TRIB3: variants seen among roughly 807,000 people sequenced by gnomAD.
TRIB3 encodes tribbles homolog 3.
Under a neutral mutation model 16.6 loss-of-function variants are expected in TRIB3, and 20 were observed. That is an observed-to-expected ratio of 1.20 (90% CI 0.85 to 1.75). The LOEUF (loss-of-function observed/expected upper bound fraction) is 1.75. TRIB3 is among the 40% of genes most tolerant of loss of function. TRIB3 has a pLI of 0.00. For synonymous variants in TRIB3, 208 were observed against 217.0 expected (o/e 0.96, Z 0.36); for missense variants, 484 against 488.9 (o/e 0.99, Z 0.10).
At chr20:382,997 G>A (rs2014704995) in intron 1 of TRIB3, among the ~76,000 whole-genome samples, 1 of 152,188 alleles carries the variant, frequency 6.6e-6, no homozygotes, top group South Asian at 2.1e-4. Flanking sequence ...CTTTAACCAG[G>A]CTGAGGTCTC....
chr20:389,720 C>T (rs1488550325), intron 2 of TRIB3, among the ~76,000 whole-genome samples: 4 of 152,110 alleles, frequency 2.6e-5, no homozygotes, highest in Non-Finnish European at 4.4e-5. Flanking sequence ...AGGAGAGAAG[C>T]GCCATGCGTT....
chr20:392,550 G>A (rs2015009054), intron 3 of TRIB3, among the ~76,000 whole-genome samples: 1 of 146,186 alleles, frequency 6.8e-6, no homozygotes, highest in African/African-American at 2.6e-5. Flanking sequence ...AGGTTGGGAT[G>A]CTAAGAATTT....
intron 1 of TRIB3, among the ~76,000 whole-genome samples, chr20:384,672 G>A (rs2014752853): frequency 6.6e-6 from 1 of 152,230 alleles, no homozygotes; most frequent in East Asian, 1.9e-4. Flanking sequence ...TTCAATAGAT[G>A]TTTATTTCTC....
At position 383,547 on chromosome 20, in the gene TRIB3, A is replaced by AT. The variant is rs2014717191; in HGVS notation, c.-1+2380dup. Among the ~76,000 whole-genome samples the AT allele has an allele frequency of 2.0e-5, 3 of 152,174 alleles. No homozygotes were observed. In the South Asian group the frequency reaches 6.2e-4, roughly 32 times the overall value. Reference sequence around the variant, plus strand: ...AGCCTTTACCTTCTGGGCTCAAGTGATTCCCCTACTTCAACCTCCTGCATG... The same window carrying AT: ...AGCCTTTACCTTCTGGGCTCAAGTGATTTCCCCTACTTCAACCTCCTGCATG... On this transcript the variant is annotated intron_variant, in intron 1 of 3. Transcript: ENST00000217233.
At chr20:389,927 C>G (rs1371945882) in intron 2 of TRIB3, among the ~76,000 whole-genome samples, 3 of 152,148 alleles carry the variant, frequency 2.0e-5, no homozygotes, top group Non-Finnish European at 4.4e-5. Context: ...TCATTGAGCA[C>G]CCGTATTTGC....
chr20:390,093 G>A (rs1461705431), intron 2 of TRIB3, among the ~76,000 whole-genome samples: 5 of 152,236 alleles, frequency 3.3e-5, no homozygotes, highest in African/African-American at 7.2e-5. Context: ...TTGGGAGGCC[G>A]AGGTAGGCAG....
At chr20:389,306 CAG>C (rs1185311000) in intron 2 of TRIB3, among the ~76,000 whole-genome samples, 2 of 152,098 alleles carry the variant, frequency 1.3e-5, no homozygotes, top group Non-Finnish European at 2.9e-5. Flanking sequence ...AGGCTGAGCC[CAG>C]AGAGTCCTGT....
intron 3 of TRIB3, among the ~76,000 whole-genome samples, chr20:392,802 C>T (rs2015017714): frequency 6.6e-6 from 1 of 152,132 alleles, no homozygotes; most frequent in Non-Finnish European, 1.5e-5. Flanking sequence ...AGGTGATCCG[C>T]CTGCCTCGGC....
At chr20:385,475 T>C (rs978776834) in intron 1 of TRIB3, 1 of 151,714 alleles carries the variant, frequency 6.6e-6, no homozygotes, top group African/African-American at 2.4e-5. Flanking sequence ...TCCACCGTGT[T>C]CTTGGGGAAC....
chr20:382,497 G>A (rs770365443), intron 1 of TRIB3: 7 of 1,531,706 alleles, frequency 4.6e-6, no homozygotes, highest in Non-Finnish European at 6.1e-6. Flanking sequence ...GAGATGTAAG[G>A]AGTGTCATCC....
chr20:382,648 C>A (rs1029360583), intron 1 of TRIB3: 2 of 1,342,820 alleles, frequency 1.5e-6, no homozygotes, highest in Non-Finnish European at 2.1e-6. Flanking sequence ...CTACATGCTT[C>A]ATTTGTGTTT....
chr20:382,610 C>T (rs994595422), intron 1 of TRIB3: 20 of 1,524,392 alleles, frequency 1.3e-5, no homozygotes, highest in Non-Finnish European at 1.8e-5. Flanking sequence ...CATTTCCTGA[C>T]ACCTACCTGG....
chr20:397,184 CT>C lies in TRIB3; in HGVS notation c.*495del. 1 of 155,612 alleles carries C rather than the reference CT, an allele frequency of 6.4e-6. No individual in the cohort carries two copies. The highest frequency in any genetic ancestry group is 1.4e-5 in the Non-Finnish European group (1 of 69,878). The allele number at this position is 155,612 out of a possible 1,614,324, so 9.6% of individuals were successfully genotyped here. ...AAGGCTCCAGGCCTCTCCCCTGCAA[CT>C]CAGGACCCAAGCCCAGCTCACTCTG... On this transcript the variant is annotated 3_prime_UTR_variant, in exon 4 of 4. Transcript: ENST00000217233.
At position 388,040 on chromosome 20, in the gene TRIB3, G is replaced by A. The variant is rs138502166; in HGVS notation, c.30G>A (p.Ala10=). Residue 10 remains alanine (A), a synonymous_variant, in exon 2 of 4, where the codon GCG becomes GCA. Transcript: ENST00000217233. The part of the protein sequence containing the change: MRATPLAAP[A]GSLSRKKRLE... ...GAGCCACCCCTCTGGCTGCTCCTGC[G>A]GGTTCCCTGTCCAGGAAGAAGCGGT... 3.5e-5 allele frequency: 57 copies of A among 1,613,716 alleles called. No individual in the cohort carries two copies. Among genetic ancestry groups the A allele is most frequent in the African/African-American group, 1.7e-4 (13 of 74,902 alleles).
rs572195017 is a variant in TRIB3, at chr20:385,239, A to C, written c.1-2772A>C. Reference sequence around the variant, plus strand: ...GCAACTCTCCTGCCTCAGACTCCTGAGTAGCTGGGATTACAGGCGTGTGCC... The same window carrying C: ...GCAACTCTCCTGCCTCAGACTCCTGCGTAGCTGGGATTACAGGCGTGTGCC... On this transcript the variant is annotated intron_variant, in intron 1 of 3. Coordinates refer to ENST00000217233, the MANE Select transcript of TRIB3 (RefSeq NM_021158.5). 1.9e-4 allele frequency among the ~76,000 whole-genome samples: 29 copies of C among 152,198 alleles called. No individual in the cohort carries two copies. The South Asian group carries it at 6.0e-3, about 32-fold the overall frequency.
intron 3 of TRIB3, among the ~76,000 whole-genome samples, chr20:394,860 G>C (rs2015083648): frequency 6.6e-6 from 1 of 151,986 alleles, no homozygotes; most frequent in African/African-American, 2.4e-5. Context: ...GAGTTAGATA[G>C]ACCTGTGTTT....
chr20:388,253 G>A lies in TRIB3; in HGVS notation c.243G>A (p.Arg81=). 6.2e-7 allele frequency: 1 copy of A among 1,613,326 alleles called. No homozygotes were observed. Among genetic ancestry groups the A allele is most frequent in the Non-Finnish European group, 8.5e-7 (1 of 1,179,996 alleles). The change falls in exon 2 of 4, where the codon CGG becomes CGA. Residue 81 remains arginine (R), a synonymous_variant. Coordinates refer to ENST00000217233, the MANE Select transcript of TRIB3 (RefSeq NM_021158.5). The stretch of plus-strand genomic sequence containing the variant: ...TCCTGGAGCCCGAGGAGGGCGGGCG[G>A]GCCTACCAGGCCCTGCACTGCCCTA... The part of the protein sequence containing the change: ...YVLLEPEEGG[R]AYQALHCPTG...
chr20:387,584 A>G (rs2014853707), intron 1 of TRIB3, among the ~76,000 whole-genome samples: 1 of 149,804 alleles, frequency 6.7e-6, no homozygotes, highest in African/African-American at 2.4e-5. Context: ...CCATAAAAGC[A>G]TTCTATAACA....
At position 382,097 on chromosome 20, in the gene TRIB3, G is replaced by A. The variant is rs888375109; in HGVS notation, c.-1+928G>A. 1.7e-3 allele frequency among the ~76,000 whole-genome samples: 219 copies of A among 131,672 alleles called. 1 individual carries two copies. Among genetic ancestry groups the A allele is most frequent in the African/African-American group, 5.4e-3 (192 of 35,366 alleles). 86.4% of individuals were successfully genotyped at this position (131,672 alleles called of 152,430 possible). A position where few individuals can be genotyped will look rare whatever the true frequency, so the allele number is the denominator to read the frequency against. The stretch of plus-strand genomic sequence containing the variant: ...AGACCATGGGTGTGACAGCTGGGAG[G>A]GCTGTGTGTGTGTGTGTGTGTGTGT... On this transcript the variant is annotated intron_variant, in intron 1 of 3. Coordinates refer to ENST00000217233, the MANE Select transcript of TRIB3 (RefSeq NM_021158.5).
Sources: allele counts gnomAD v4.1 joint callset (sites outside exome capture counted in the v4.1 genomes callset), GRCh38; gene constraint gnomAD v4.1.1; transcripts MANE v1.5; gene names NCBI Gene and HGNC (gene_info 2026-07-23, HGNC 2026-07-21).